Variants in MTHFS observed in about 807,000 individuals in gnomAD.
MTHFS encodes 5-formyltetrahydrofolate cyclo-ligase.
MTHFS carries 7 observed loss-of-function variants against 12.7 expected under a neutral mutation model. The ratio of observed to expected loss-of-function variants is 0.55; its 90% CI spans 0.31 to 1.03. The LOEUF is 1.03. Among genes scored for constraint, MTHFS ranks in the 50% least tolerant of loss-of-function variants. MTHFS has a pLI of 0.05. For missense variants in MTHFS, 252 were observed against 258.1 expected, an observed-to-expected ratio of 0.98 and a Z score of 0.16; for synonymous variants, 100 against 97.1, an observed-to-expected ratio of 1.03 and a Z score of -0.18.
At chr15:79,888,716 T>C (rs1405798411) in intron 2 of MTHFS, among the ~76,000 whole-genome samples, 1 of 152,212 alleles carries the variant, frequency 6.6e-6, no homozygotes, top group Non-Finnish European at 1.5e-5. Flanking sequence ...GGTGGTGCCA[T>C]GTACTGAGAT....
chr15:79,879,019 T>A (rs1408631159), intron 2 of MTHFS, among the ~76,000 whole-genome samples: 2 of 151,264 alleles, frequency 1.3e-5, no homozygotes, highest in African/African-American at 4.9e-5. Context: ...ATAAAAGATG[T>A]AATCCCTCCA....
chr15:79,851,433 C>T (rs1412468927), intron 2 of MTHFS, among the ~76,000 whole-genome samples: 2 of 152,144 alleles, frequency 1.3e-5, no homozygotes, highest in African/African-American at 4.8e-5. Flanking sequence ...TTTTAGCTTC[C>T]TGACTATATC....
chr15:79,882,450 C>T (rs2034311523), intron 2 of MTHFS, among the ~76,000 whole-genome samples: 1 of 152,210 alleles, frequency 6.6e-6, no homozygotes, highest in Non-Finnish European at 1.5e-5. Context: ...GACCCAGCAG[C>T]TGTTACAGCA....
At chr15:79,893,708 A>G (rs1343490891) in intron 1 of MTHFS, among the ~76,000 whole-genome samples, 23 of 151,804 alleles carry the variant, frequency 1.5e-4, no homozygotes, top group Admixed American at 1.5e-3. Flanking sequence ...AAAAAAAAAA[A>G]AAAAAGGAAA....
intron 1 of MTHFS, 146 bp from the exon 2 acceptor site, chr15:79,889,500 G>C (rs1375712804): frequency 4.7e-6 from 6 of 1,268,170 alleles, no homozygotes. Context: ...GTGATATAGT[G>C]GGTCAGACAG....
At chr15:79,857,813 G>A (rs939931856) in intron 2 of MTHFS, among the ~76,000 whole-genome samples, 1 of 152,092 alleles carries the variant, frequency 6.6e-6, no homozygotes, top group Non-Finnish European at 1.5e-5. Context: ...TCAGGAGTTC[G>A]AGACCAGTCT....
intron 1 of MTHFS, 105 bp from the exon 2 acceptor site, chr15:79,889,459 T>TAAAAATAAAAAAAAAAAAA: frequency 1.4e-6 from 1 of 740,612 alleles, no homozygotes; most frequent in East Asian, 4.2e-5. Context: ...CTTTAAATAT[T>TAAAAATAAAAAAAAAAAAA]AAAAAGAAAA....
intron 1 of MTHFS, 140 bp from the exon 2 acceptor site, chr15:79,889,494 T>C (rs1479370989): frequency 2.3e-6 from 3 of 1,304,940 alleles, no homozygotes; most frequent in Non-Finnish European, 3.1e-6. Flanking sequence ...ACCAGAGTGA[T>C]ATAGTGGGTC....
chr15:79,861,360 C>A (rs1280049740), intron 2 of MTHFS, among the ~76,000 whole-genome samples: 1 of 152,182 alleles, frequency 6.6e-6, no homozygotes, highest in African/African-American at 2.4e-5. Flanking sequence ...CCAGACACCA[C>A]TGCCCCTTAT....
intron 1 of MTHFS, 196 bp downstream of exon 1, chr15:79,896,676 C>A: frequency 1.9e-6 from 2 of 1,025,934 alleles, no homozygotes; most frequent in Non-Finnish European, 2.7e-6. Context: ...GGGCCCTCTC[C>A]CCGCCATAGT....
At chr15:79,867,816 T>A (rs2034038386) in intron 2 of MTHFS, among the ~76,000 whole-genome samples, 1 of 152,168 alleles carries the variant, frequency 6.6e-6, no homozygotes, top group Non-Finnish European at 1.5e-5. Context: ...AAATCTAAAG[T>A]TCTTTTTTAA....
At chr15:79,847,669 C>CAA (rs55956333) in intron 2 of MTHFS, among the ~76,000 whole-genome samples, 41 of 75,336 alleles carry the variant, frequency 5.4e-4, no homozygotes, top group African/African-American at 1.6e-3. Context: ...GACTCCGTCT[C>CAA]AAAAAAAAAA....
At chr15:79,872,168 C>T (rs1002525581) in intron 2 of MTHFS, among the ~76,000 whole-genome samples, 1 of 148,198 alleles carries the variant, frequency 6.7e-6, no homozygotes, top group Non-Finnish European at 1.5e-5. Flanking sequence ...ATAGAATACA[C>T]GAGGCCCAAA....
intron 1 of MTHFS, among the ~76,000 whole-genome samples, chr15:79,893,697 CAAAAAAA>C (rs564888275): frequency 3.5e-5 from 2 of 56,632 alleles, no homozygotes; most frequent in Non-Finnish European, 7.2e-5. Context: ...GACTCCCTCT[CAAAAAAA>C]AAAAAAAAAG....
chr15:79,845,115 G>A lies in MTHFS; in HGVS notation c.*95C>T. On this transcript the variant is annotated 3_prime_UTR_variant, in exon 3 of 3. Coordinates refer to ENST00000258874, the MANE Select transcript of MTHFS (RefSeq NM_006441.4). ...AAATGCAGTCTGTATTCACATTAAT[G>A]AACAATTTCAACTAATTTTTGACAA... The A allele has an allele frequency of 6.7e-7, 1 of 1,487,016 alleles. No homozygotes were observed. Among genetic ancestry groups the A allele is most frequent in the Non-Finnish European group, 9.1e-7 (1 of 1,098,962 alleles). 92.1% of individuals were successfully genotyped at this position (1,487,016 alleles called of 1,614,324 possible). A position where few individuals can be genotyped will look rare whatever the true frequency, so the allele number is the denominator to read the frequency against.
At chr15:79,885,887 C>T (rs1385834295) in intron 2 of MTHFS, among the ~76,000 whole-genome samples, 1 of 152,204 alleles carries the variant, frequency 6.6e-6, no homozygotes, top group Non-Finnish European at 1.5e-5. Flanking sequence ...CCAGCCAGCC[C>T]TTCTGTGAAC....
intron 2 of MTHFS, among the ~76,000 whole-genome samples, chr15:79,859,395 T>C (rs940936969): frequency 1.3e-5 from 2 of 152,208 alleles, no homozygotes; most frequent in Non-Finnish European, 2.9e-5. Flanking sequence ...ATTCCACAGA[T>C]AGTTTGGAAA....
chr15:79,888,194 G>A (rs2034412626), intron 2 of MTHFS, among the ~76,000 whole-genome samples: 1 of 152,184 alleles, frequency 6.6e-6, no homozygotes, highest in Non-Finnish European at 1.5e-5. Context: ...AGAACAGCAT[G>A]TATTAAGACC....
intron 2 of MTHFS, among the ~76,000 whole-genome samples, chr15:79,862,995 G>C (rs895877254): frequency 6.6e-6 from 1 of 152,094 alleles, no homozygotes; most frequent in African/African-American, 2.4e-5. Context: ...CAGCATTTCT[G>C]GGAGGTCCTG....
Sources: gnomAD v4.1 joint callset for allele counts (sites outside exome capture counted in the v4.1 genomes callset) on GRCh38, gnomAD v4.1.1 for gene constraint, MANE v1.5 for transcripts, NCBI Gene and HGNC (gene_info 2026-07-23, HGNC 2026-07-21) for gene names.